The following CDH22 variants were observed in gnomAD, a reference collection of about 807,000 sequenced individuals.
CDH22 encodes cadherin-22.
A neutral mutation model predicts 58.4 loss-of-function variants in CDH22; 30 were observed. The observed-to-expected ratio is 0.51, with a 90% confidence interval of 0.38 to 0.70. The LOEUF (loss-of-function observed/expected upper bound fraction) is 0.70. Ranked by LOEUF, CDH22 falls within the 30% of genes least tolerant of loss-of-function variation. The pLI is 0.00. For synonymous variants in CDH22, 513 were observed against 558.2 expected (o/e 0.92, Z 1.14); for missense variants, 1,014 against 1,233.9 (o/e 0.82, Z 2.67).
chr20:46,270,967 T>C (rs1326922630), intron 1 of CDH22, among the ~76,000 whole-genome samples: 1 of 152,172 alleles, frequency 6.6e-6, no homozygotes, highest in Non-Finnish European at 1.5e-5. Context: ...CCCAGGTTCG[T>C]TGTGAAGCTT....
Position 46,227,568 on chromosome 20 carries a change from C to T in CDH22, c.610G>A (p.Ala204Thr), listed in dbSNP as rs769766315. Residue 204 changes from alanine (A) to threonine (T), a missense_variant, in exon 4 of 12, where the codon GCT (alanine) becomes ACT (threonine). Around this residue, in one of 2 missense-constraint regions of CDH22, gnomAD observed 806 missense variants for 1,038.7 expected, o/e 0.78. Coordinates refer to ENST00000537909, the MANE Select transcript of CDH22 (RefSeq NM_021248.3). ...DADDPTYGSSARLVYSVLDGE... is the reference protein window; with the variant it reads ...DADDPTYGSSTRLVYSVLDGE... ...TCCAGCACGCTGTACACCAGCCGAG[C>T]GCTGCTGCCGTACGTGGGGTCATCC... is the stretch of plus-strand genomic sequence containing the variant. 8 of 1,612,590 alleles carry T rather than the reference C, an allele frequency of 5.0e-6. No individual in the cohort carries two copies. The highest frequency in any genetic ancestry group is 2.2e-5 in the East Asian group (1 of 44,834).
chr20:46,221,161 C>T (rs528734677), intron 4 of CDH22, among the ~76,000 whole-genome samples: 10 of 152,314 alleles, frequency 6.6e-5, no homozygotes, highest in Admixed American at 1.3e-4. Context: ...AGCGACCCGA[C>T]AGCTGACTGT....
At chr20:46,249,771 C>T (rs1049611263) in intron 2 of CDH22, among the ~76,000 whole-genome samples, 4 of 152,190 alleles carry the variant, frequency 2.6e-5, no homozygotes, top group African/African-American at 9.6e-5. Flanking sequence ...TACAATCACC[C>T]TCCACTTCAA....
chr20:46,305,780 G>A (rs1031963047), intron 1 of CDH22, among the ~76,000 whole-genome samples: 10 of 152,248 alleles, frequency 6.6e-5, no homozygotes, highest in Non-Finnish European at 1.5e-4. Context: ...TGGCTGCTCC[G>A]AACTTTGCCA....
chr20:46,293,268 A>C (rs561745666), intron 1 of CDH22, among the ~76,000 whole-genome samples: 2 of 152,286 alleles, frequency 1.3e-5, no homozygotes, highest in East Asian at 3.9e-4. Context: ...CTTGGACAGC[A>C]ACCAGACACT....
rs889790598 is a variant in CDH22, at chr20:46,210,485, C to T, written c.1108G>A (p.Ala370Thr). The T allele has an allele frequency of 2.1e-6, 3 of 1,430,778 alleles. No individual in the cohort carries two copies. The highest frequency in any genetic ancestry group is 3.0e-5 in the African/African-American group (2 of 67,024). 88.6% of individuals were successfully genotyped at this position (1,430,778 alleles called of 1,614,324 possible). The change falls in exon 7 of 12, where the codon GCC (alanine) becomes ACC (threonine). Residue 370 changes from alanine (A) to threonine (T), a missense_variant. Coordinates refer to ENST00000537909, the MANE Select transcript of CDH22 (RefSeq NM_021248.3). This position sits in a 1 kb window ranked among gnomAD's most constrained non-coding sequence, Gnocchi z 4.5. ...TGGTCGCGGAACGTGCCCAGGTCGG[C>T]GAAGCGGGGGTCCACGAACTTGTTG... ...ALNKFVDPRF[A>T]DLGTFRDQAI...
At position 46,177,969 on chromosome 20, in the gene CDH22, A is replaced by G; in HGVS notation, c.1892T>C (p.Leu631Ser). The stretch of plus-strand genomic sequence containing the variant: ...ACCAACCAGGATGAGAACGCAGACC[A>G]AGAGGGCGATGAGGGCGCCGGGGCT... ...SLSPGALIAL[L>S]VCVLILVVLV... Residue 631 changes from leucine to serine, a missense_variant, in exon 11 of 12, where the codon TTG becomes TCG. Leu to Ser is a moderately radical substitution (Grantham distance 145, BLOSUM62 -2). Transcript: ENST00000537909. The G allele has an allele frequency of 6.2e-7, 1 of 1,613,946 alleles. No homozygotes were observed. Among genetic ancestry groups the G allele is most frequent in the South Asian group, 1.1e-5 (1 of 91,072 alleles).
chr20:46,267,942 T>A (rs1326549620), intron 1 of CDH22, among the ~76,000 whole-genome samples: 1 of 152,192 alleles, frequency 6.6e-6, no homozygotes, highest in Non-Finnish European at 1.5e-5. Flanking sequence ...AGGGAGAAGT[T>A]GAACTGTGAA....
At chr20:46,269,219 A>T (rs1215254747) in intron 1 of CDH22, among the ~76,000 whole-genome samples, 2 of 152,058 alleles carry the variant, frequency 1.3e-5, no homozygotes, top group African/African-American at 2.4e-5. Flanking sequence ...GCTCTGCCCC[A>T]GGTCTTTCTT....
chr20:46,290,577 C>T (rs1452514160), intron 1 of CDH22, among the ~76,000 whole-genome samples: 4 of 152,124 alleles, frequency 2.6e-5, no homozygotes, highest in African/African-American at 4.8e-5. Flanking sequence ...AGGGCTAGTG[C>T]GATGCGGGCC....
chr20:46,200,479 G>T (rs1182821953), intron 7 of CDH22, among the ~76,000 whole-genome samples: 1 of 144,770 alleles, frequency 6.9e-6, no homozygotes, highest in Non-Finnish European at 1.5e-5. Context: ...ACAGGGTTTC[G>T]CTATGTTGCC....
chr20:46,208,311 A>G (rs577217480), intron 7 of CDH22, among the ~76,000 whole-genome samples: 7 of 152,156 alleles, frequency 4.6e-5, no homozygotes, highest in South Asian at 2.1e-4. Context: ...AGACTCCCCA[A>G]TACTTACAGC....
At chr20:46,218,079 A>G (rs1176982046) in intron 4 of CDH22, among the ~76,000 whole-genome samples, 2 of 151,906 alleles carry the variant, frequency 1.3e-5, no homozygotes, top group African/African-American at 2.4e-5. Flanking sequence ...ATGCACCACT[A>G]TGCCTGGCTA....
At chr20:46,184,191 T>C (rs1445957231) in intron 10 of CDH22, among the ~76,000 whole-genome samples, 1 of 151,902 alleles carries the variant, frequency 6.6e-6, no homozygotes, top group Admixed American at 6.6e-5. Flanking sequence ...CTCCGCCTCC[T>C]GGGTTCAAGC....
intron 1 of CDH22, among the ~76,000 whole-genome samples, chr20:46,259,527 T>G (rs1284463965): frequency 6.6e-6 from 1 of 152,148 alleles, no homozygotes; most frequent in Non-Finnish European, 1.5e-5. Flanking sequence ...AGACCAATAT[T>G]TTTTAAACCC....
intron 7 of CDH22, among the ~76,000 whole-genome samples, chr20:46,200,980 C>A (rs2085956757): frequency 1.3e-5 from 2 of 152,238 alleles, no homozygotes; most frequent in South Asian, 4.1e-4. Context: ...TAATCTGCAG[C>A]TTTTCCGTTG....
Position 46,286,595 on chromosome 20 carries a change from GCCGATCCC to G in CDH22, c.-400+21652_-400+21659del, listed in dbSNP as rs1428234295. On this transcript the variant is annotated intron_variant, in intron 1 of 11. Coordinates refer to ENST00000537909, the MANE Select transcript of CDH22 (RefSeq NM_021248.3). The stretch of plus-strand genomic sequence containing the variant: ...ACCCTGCGCAGCCAGCCCCCGATCC[GCCGATCCC>G]CCGAGTCTACCAGTCAGAATGAATG... Among the ~76,000 whole-genome samples the G allele has an allele frequency of 3.9e-5, 6 of 152,192 alleles. No individual in the cohort carries two copies. The East Asian group carries it at 1.2e-3, about 29-fold the overall frequency.
chr20:46,301,752 A>G (rs924764849), intron 1 of CDH22, among the ~76,000 whole-genome samples: 2 of 152,158 alleles, frequency 1.3e-5, no homozygotes, highest in Admixed American at 1.3e-4. Context: ...CAGAAGTTGC[A>G]GTGAACCGAG....
intron 1 of CDH22, among the ~76,000 whole-genome samples, chr20:46,291,894 G>C (rs2086605232): frequency 6.6e-6 from 1 of 152,224 alleles, no homozygotes; most frequent in South Asian, 2.1e-4. Context: ...GGGTAGGATG[G>C]CTGGCCGTAT....
Sources: allele counts gnomAD v4.1 joint callset (sites outside exome capture counted in the v4.1 genomes callset), GRCh38; gene constraint gnomAD v4.1.1; regional missense constraint gnomAD v4.1.1; non-coding constraint Gnocchi (gnomAD v3.1); transcripts MANE v1.5; gene names NCBI Gene and HGNC (gene_info 2026-07-23, HGNC 2026-07-21).